ZNF69: variants seen among roughly 807,000 people sequenced by gnomAD.
The protein encoded by ZNF69 is ZNF3.
Under a neutral mutation model 50.9 loss-of-function variants are expected in ZNF69, and 47 were observed. That is an observed-to-expected ratio of 0.92 (90% CI 0.73 to 1.18). ZNF69 has a LOEUF of 1.18. ZNF69 is among the 50% of genes most tolerant of loss of function. The pLI is 0.00. For missense variants in ZNF69, 717 were observed against 675.1 expected, an observed-to-expected ratio of 1.06 and a Z score of -0.69; for synonymous variants, 216 against 223.1, an observed-to-expected ratio of 0.97 and a Z score of 0.29.
intron 1 of ZNF69, among the ~76,000 whole-genome samples, chr19:11,895,136 A>C (rs1384705031): frequency 6.6e-6 from 1 of 152,250 alleles, no homozygotes; most frequent in Non-Finnish European, 1.5e-5. Context: ...AATAGTTCAT[A>C]GATTGCAGCT....
At chr19:11,929,804 C>T in the ZNF69 span, among the ~76,000 whole-genome samples, 1 of 148,174 alleles carries the variant, frequency 6.7e-6, no homozygotes, top group Non-Finnish European at 1.5e-5. Flanking sequence ...TGTTTCTGAA[C>T]ATTTCACATG....
chr19:11,934,130 G>C, the ZNF69 span, among the ~76,000 whole-genome samples: 1 of 148,014 alleles, frequency 6.8e-6, no homozygotes, highest in Non-Finnish European at 1.5e-5. Context: ...GATTGCTTGA[G>C]GCCAGGAGTT....
chr19:11,947,841 A>G, the ZNF69 span, among the ~76,000 whole-genome samples: 2 of 152,182 alleles, frequency 1.3e-5, no homozygotes, highest in Non-Finnish European at 2.9e-5. Flanking sequence ...CCACATATCA[A>G]CAACAGCAAA....
At chr19:11,894,277 C>G in intron 1 of ZNF69, among the ~76,000 whole-genome samples, 1 of 152,152 alleles carries the variant, frequency 6.6e-6, no homozygotes, top group East Asian at 1.9e-4. Flanking sequence ...TCATGCCATT[C>G]TCCTGCCTCA....
downstream of ZNF69, among the ~76,000 whole-genome samples, chr19:11,910,007 A>G (rs531607342): frequency 1.0e-3 from 157 of 151,280 alleles, 2 homozygotes; most frequent in African/African-American, 3.3e-3. Flanking sequence ...AAAAATCACA[A>G]GCATTCCTAT....
At chr19:11,906,831 G>A (rs183647427), downstream of ZNF69, among the ~76,000 whole-genome samples, 316 of 152,322 alleles carry the variant, frequency 2.1e-3, 1 homozygote, top group African/African-American at 6.6e-3. Context: ...TGACTTTGAC[G>A]AGCTGAGAGA....
At chr19:11,894,634 G>A (rs1301954259) in intron 1 of ZNF69, among the ~76,000 whole-genome samples, 1 of 152,140 alleles carries the variant, frequency 6.6e-6, no homozygotes, top group East Asian at 1.9e-4. Flanking sequence ...ACTCCTCCCA[G>A]GGGACAGACT....
chr19:11,979,750 A>G, the ZNF69 span: 1 of 1,576,616 alleles, frequency 6.3e-7, no homozygotes, highest in South Asian at 1.1e-5. Flanking sequence ...GATCTGCCCC[A>G]CACCTTCGAA....
chr19:11,948,647 G>A, the ZNF69 span: 108 of 1,611,094 alleles, frequency 6.7e-5, no homozygotes, highest in Non-Finnish European at 8.8e-5. Context: ...TTCCATTCAA[G>A]CATTCGAAGA....
the ZNF69 span, among the ~76,000 whole-genome samples, chr19:11,934,558 C>CTT: frequency 1.4e-5 from 2 of 147,520 alleles, 1 homozygote; most frequent in Admixed American, 1.3e-4. Flanking sequence ...TGCAGTTTCG[C>CTT]TTTTGTTTCC....
At chr19:11,949,457 A>G in the ZNF69 span, 2 of 1,613,132 alleles carry the variant, frequency 1.2e-6, no homozygotes, top group Admixed American at 1.7e-5. Context: ...GAATGTAAGG[A>G]ATGTGGGAAA....
the ZNF69 span, among the ~76,000 whole-genome samples, chr19:11,932,594 A>G: frequency 5.5e-5 from 8 of 144,936 alleles, 2 homozygotes; most frequent in African/African-American, 2.2e-4. Context: ...CCACATCAGT[A>G]TATTTTATTT....
the ZNF69 span, among the ~76,000 whole-genome samples, chr19:11,969,052 C>T: frequency 6.6e-6 from 1 of 152,164 alleles, no homozygotes; most frequent in African/African-American, 2.4e-5. Flanking sequence ...CACATTGCTT[C>T]AAGATGATGT....
the ZNF69 span, among the ~76,000 whole-genome samples, chr19:11,946,445 G>A: frequency 3.9e-5 from 6 of 152,242 alleles, no homozygotes; most frequent in South Asian, 8.3e-4. Context: ...TTCCCTTGGC[G>A]GGTGGGGAGA....
the ZNF69 span, chr19:11,953,443 T>A: frequency 6.6e-6 from 1 of 152,340 alleles, no homozygotes; most frequent in South Asian, 2.1e-4. Context: ...TAGAAGGCAG[T>A]GATGTTGGTT....
At chr19:11,933,787 G>A in the ZNF69 span, among the ~76,000 whole-genome samples, 5 of 145,540 alleles carry the variant, frequency 3.4e-5, no homozygotes, top group Non-Finnish European at 7.4e-5. Context: ...GGAGCTTGCA[G>A]TGAGCTGAGA....
chr19:11,979,527 C>A, the ZNF69 span: 3 of 1,603,408 alleles, frequency 1.9e-6, no homozygotes, highest in South Asian at 3.3e-5. Flanking sequence ...AAAACTCACA[C>A]TGCAGAGAAA....
chr19:11,935,338 G>A, the ZNF69 span, among the ~76,000 whole-genome samples: 2 of 145,558 alleles, frequency 1.4e-5, no homozygotes, highest in Non-Finnish European at 3.0e-5. Flanking sequence ...CCAGGTTCAA[G>A]TGATTCATCT....
chr19:11,964,264 C>A, the ZNF69 span, among the ~76,000 whole-genome samples: 6 of 152,198 alleles, frequency 3.9e-5, no homozygotes, highest in Non-Finnish European at 8.8e-5. Context: ...CGTGCAGACG[C>A]CTTTGTGGGG....
Sources: gnomAD v4.1 joint callset for allele counts (sites outside exome capture counted in the v4.1 genomes callset) on GRCh38, gnomAD v4.1.1 for gene constraint, MANE v1.5 for transcripts, NCBI Gene and HGNC (gene_info 2026-07-23, HGNC 2026-07-21) for gene names.